The following CAND2 variants were observed in gnomAD, a reference collection of about 807,000 sequenced individuals.
CAND2 encodes cullin associated and neddylation dissociated 2 (putative), also known as cullin-associated NEDD8-dissociated protein 2.
In CAND2, 62 loss-of-function variants were observed where a neutral mutation model predicts 98.9. The ratio of observed to expected loss-of-function variants is 0.63; its 90% CI spans 0.51 to 0.77. CAND2 has a LOEUF of 0.77. Ranked by LOEUF, CAND2 falls within the 30% of genes least tolerant of loss-of-function variation. CAND2 has a pLI of 0.00. For missense variants in CAND2, 1,501 were observed against 1,655.2 expected (o/e 0.91, Z 1.62); for synonymous variants, 770 against 731.9 (o/e 1.05, Z -0.84).
chr3:12,803,899 A>G (rs2061785553), intron 2 of CAND2, among the ~76,000 whole-genome samples: 2 of 152,118 alleles, frequency 1.3e-5, no homozygotes, highest in African/African-American at 4.8e-5. Context: ...GTATGGTACG[A>G]AGCAAGTGAC....
intron 4 of CAND2, 75 bp downstream of exon 4, chr3:12,808,408 G>A: frequency 6.8e-7 from 1 of 1,469,476 alleles, no homozygotes; most frequent in Non-Finnish European, 9.3e-7. Context: ...CACAGAGCTA[G>A]CACCTACTGC....
chr3:12,798,622 G>A (rs1034903275), intron 1 of CAND2, among the ~76,000 whole-genome samples: 3 of 152,284 alleles, frequency 2.0e-5, no homozygotes, highest in Middle Eastern at 3.4e-3. Context: ...GCTGGCTAGT[G>A]GCCTAGGGGA....
chr3:12,812,899 C>A, intron 5 of CAND2, 91 bp from the exon 6 acceptor site: 2 of 779,246 alleles, frequency 2.6e-6, no homozygotes, highest in South Asian at 1.5e-5. Context: ...GTGGTCAGGG[C>A]TGCAGGTGCA....
intron 1 of CAND2, among the ~76,000 whole-genome samples, chr3:12,798,898 C>CTG (rs10662471): frequency 0.55 from 83,154 of 151,794 alleles, 23,439 homozygotes; most frequent in African/African-American, 0.65. Flanking sequence ...GAAACTGAGA[C>CTG]TGTCCTCTGG....
rs767977141 is a variant in CAND2, at chr3:12,815,363, C to G, written c.1229C>G (p.Pro410Arg). ...GTGCTGCTGCGGCAAACACAGCCCC[C>G]GAAGGGATGGCTGGAGGCCATGGAG... The part of the protein sequence containing the change: ...YIVLLRQTQP[P>R]KGWLEAMEEP... Residue 410 changes from proline (P) to arginine (R), a missense_variant, in exon 8 of 15, where the codon CCG becomes CGG. By Grantham distance (103) the Pro-to-Arg change is moderately radical. This residue lies in a region of CAND2 where 1,427 missense variants were observed against 1,545.3 expected (regional missense o/e 0.92). Transcript: ENST00000456430. This position sits in a 1 kb window ranked among gnomAD's most constrained non-coding sequence, Gnocchi z 5.7. The G allele has an allele frequency of 3.7e-6, 6 of 1,613,868 alleles. No homozygotes were observed. The East Asian group carries it at 8.9e-5, about 24-fold the overall frequency.
chr3:12,803,134 C>T (rs1468330685), intron 1 of CAND2, among the ~76,000 whole-genome samples: 2 of 151,916 alleles, frequency 1.3e-5, no homozygotes, highest in East Asian at 1.9e-4. Flanking sequence ...GGACTACAGG[C>T]GCCCGCCACC....
intron 5 of CAND2, 35 bp from the exon 6 acceptor site, chr3:12,812,955 C>G: frequency 7.3e-7 from 1 of 1,376,488 alleles, no homozygotes; most frequent in Non-Finnish European, 1.0e-6. Flanking sequence ...GGGAGAGTGT[C>G]TGGCTTGGGT....
At chr3:12,821,358 C>G (rs750273874) in intron 11 of CAND2, among the ~76,000 whole-genome samples, 34 of 152,112 alleles carry the variant, frequency 2.2e-4, no homozygotes, top group Non-Finnish European at 4.1e-4. Flanking sequence ...CAAGATCGTA[C>G]CATTGCACTC....
At chr3:12,803,409 T>C in intron 1 of CAND2, 79 bp from the exon 2 acceptor site, 1 of 1,393,634 alleles carries the variant, frequency 7.2e-7, no homozygotes, top group Non-Finnish European at 9.7e-7. Context: ...GGTCTACTTC[T>C]AGGGGAACCC....
intron 13 of CAND2, among the ~76,000 whole-genome samples, chr3:12,829,130 ACAACTTTATTTT>A (rs1302825057): frequency 6.6e-6 from 1 of 152,146 alleles, no homozygotes; most frequent in Non-Finnish European, 1.5e-5. Context: ...CTGCTATACT[ACAACTTTATTTT>A]TAAGTTTTTA....
intron 1 of CAND2, among the ~76,000 whole-genome samples, chr3:12,802,679 C>T (rs1030185410): frequency 6.6e-6 from 1 of 152,188 alleles, no homozygotes; most frequent in Non-Finnish European, 1.5e-5. Context: ...CCAACCATGC[C>T]CACTGCCCAA....
Position 12,815,774 on chromosome 3 carries a change from C to G in CAND2, c.1300-93C>G, listed in dbSNP as rs181784928. ...AGATATCTTGATGCCGACATCCTCC[C>G]TGGGGATGTGTCTGGCAAAGCCTCC... On this transcript the variant is annotated intron_variant, in intron 8 of 14. Transcript: ENST00000456430. This position sits in a 1 kb window ranked among gnomAD's most constrained non-coding sequence, Gnocchi z 5.7. 88 of 1,246,274 alleles carry G rather than the reference C, an allele frequency of 7.1e-5. 1 individual carries two copies. The East Asian group carries it at 2.0e-3, about 29-fold the overall frequency. The allele number at this position is 1,246,274 out of a possible 1,614,324, so 77.2% of individuals were successfully genotyped here.
intron 12 of CAND2, among the ~76,000 whole-genome samples, chr3:12,827,111 G>T (rs1045763640): frequency 6.6e-6 from 1 of 152,170 alleles, no homozygotes; most frequent in Non-Finnish European, 1.5e-5. Context: ...GATTATAGGC[G>T]TGAACCACTG....
chr3:12,827,631 A>T, intron 13 of CAND2, 27 bp downstream of exon 13: 1 of 1,587,290 alleles, frequency 6.3e-7, no homozygotes, highest in Non-Finnish European at 8.6e-7. Context: ...TGCCAGATCT[A>T]TGTGCCCCTG....
At chr3:12,831,614 T>C (rs1187570140) in intron 14 of CAND2, 42 bp downstream of exon 14, 1 of 1,367,966 alleles carries the variant, frequency 7.3e-7, no homozygotes, top group Admixed American at 2.0e-5. Flanking sequence ...CTGGAGCACC[T>C]ATGGAGTCCT....
At chr3:12,824,149 T>A (rs1039874296) in intron 11 of CAND2, among the ~76,000 whole-genome samples, 13 of 142,426 alleles carry the variant, frequency 9.1e-5, no homozygotes, top group Non-Finnish European at 1.7e-4. Context: ...TCTAAAAAAA[T>A]TTTTTTTTCC....
chr3:12,826,799 A>G (rs992622888), intron 12 of CAND2, among the ~76,000 whole-genome samples: 1 of 49,588 alleles, frequency 2.0e-5, no homozygotes, highest in Admixed American at 1.7e-4. Flanking sequence ...CAGTTTCCTC[A>G]TCTGTCATTA....
intron 10 of CAND2, among the ~76,000 whole-genome samples, chr3:12,818,807 T>A (rs1272817490): frequency 6.6e-6 from 1 of 152,220 alleles, no homozygotes; most frequent in Non-Finnish European, 1.5e-5. Flanking sequence ...GCTGGGTTCG[T>A]AAGAAGCAGT....
intron 10 of CAND2, among the ~76,000 whole-genome samples, chr3:12,819,884 A>C (rs557047188): frequency 2.5e-4 from 38 of 152,192 alleles, no homozygotes; most frequent in African/African-American, 7.7e-4. Flanking sequence ...TGGCAGTCCT[A>C]CTGTTTCAGC....
Sources: allele counts gnomAD v4.1 joint callset (sites outside exome capture counted in the v4.1 genomes callset), GRCh38; gene constraint gnomAD v4.1.1; regional missense constraint gnomAD v4.1.1; non-coding constraint Gnocchi (gnomAD v3.1); transcripts MANE v1.5; gene names NCBI Gene and HGNC (gene_info 2026-07-23, HGNC 2026-07-21).